The following CDH13 variants were observed in gnomAD, a reference collection of about 807,000 sequenced individuals.
The protein encoded by CDH13 is cadherin 13.
A neutral mutation model predicts 63.8 loss-of-function variants in CDH13; 24 were observed. The ratio of observed to expected loss-of-function variants is 0.38; its 90% confidence interval spans 0.27 to 0.53. The LOEUF (loss-of-function observed/expected upper bound fraction) is 0.53, where lower values mean the gene tolerates loss of function less well. CDH13 is among the 20% of genes least tolerant of loss of function. The probability of loss-of-function intolerance (pLI) is 0.85; values close to 1 mark genes in which losing one functional copy is unlikely to be tolerated. For synonymous variants in CDH13, 503 were observed against 355.3 expected (o/e 1.42, Z -4.67); for missense variants, 1,049 against 903.1 (o/e 1.16, Z -2.07).
At chr16:82,770,818 C>T (rs1472303368) in intron 1 of CDH13, among the ~76,000 whole-genome samples, 1 of 152,166 alleles carries the variant, frequency 6.6e-6, no homozygotes, top group African/African-American at 2.4e-5. Context: ...AGCAATTCGC[C>T]TGCCTCAGCC....
At chr16:83,739,094 T>C (rs1911813431) in intron 10 of CDH13, among the ~76,000 whole-genome samples, 1 of 152,128 alleles carries the variant, frequency 6.6e-6, no homozygotes, top group African/African-American at 2.4e-5. Context: ...GTATGTAGAA[T>C]CTTGGATGTG....
At chr16:83,793,830 AT>A (rs1286372339) in intron 13 of CDH13, among the ~76,000 whole-genome samples, 19 of 136,658 alleles carry the variant, frequency 1.4e-4, no homozygotes, top group African/African-American at 4.1e-4. Flanking sequence ...AAAAAAAAAA[AT>A]TTCTCAGATG....
intron 1 of CDH13, among the ~76,000 whole-genome samples, chr16:82,717,434 TA>T (rs5818399): frequency 0.32 from 38,992 of 122,800 alleles, 6,615 homozygotes; most frequent in Non-Finnish European, 0.42. Context: ...AGACTTTGCC[TA>T]AAAAAAAAAA....
chr16:83,566,601 C>T (rs898331253), intron 7 of CDH13, among the ~76,000 whole-genome samples: 1 of 152,150 alleles, frequency 6.6e-6, no homozygotes, highest in African/African-American at 2.4e-5. Context: ...AAGCCCTGAG[C>T]AGGCATGGGT....
chr16:82,827,224 A>G (rs533755460), intron 1 of CDH13, among the ~76,000 whole-genome samples: 6 of 152,308 alleles, frequency 3.9e-5, no homozygotes, highest in Non-Finnish European at 7.4e-5. Flanking sequence ...TTTCCCAGAC[A>G]GAGAGAGAGT....
rs564766182 is a variant in CDH13 at position 82,981,990 on chromosome 16, T to C, written c.158-50020T>C. The stretch of plus-strand genomic sequence containing the variant: ...GCTGTCTGAATGCTGTTGCTTGCCA[T>C]TGGACTATTCTGGAACAGGAAGTAT... On this transcript the variant is annotated intron_variant, in intron 2 of 13. Transcript: ENST00000567109. Among the ~76,000 whole-genome samples, 13 of 152,314 alleles carry C rather than the reference T, an allele frequency of 8.5e-5. No homozygotes were observed. In the East Asian group the frequency reaches 1.7e-3, roughly 20 times the overall value.
At chr16:83,389,437 C>T (rs1193195366) in intron 6 of CDH13, among the ~76,000 whole-genome samples, 1 of 152,168 alleles carries the variant, frequency 6.6e-6, no homozygotes, top group Non-Finnish European at 1.5e-5. Context: ...CCCCGAATTC[C>T]AATTTACAGT....
At chr16:83,371,056 A>C (rs561859111) in intron 6 of CDH13, among the ~76,000 whole-genome samples, 2 of 152,222 alleles carry the variant, frequency 1.3e-5, no homozygotes, top group Non-Finnish European at 2.9e-5. Context: ...AAGGTTGCAG[A>C]AAAAAAGGGA....
chr16:82,893,729 C>A, intron 2 of CDH13, among the ~76,000 whole-genome samples: 1 of 152,164 alleles, frequency 6.6e-6, no homozygotes, highest in African/African-American at 2.4e-5. Context: ...TGGGCCATAG[C>A]ACAACACCTA....
rs1597815681 is a variant in CDH13, at chr16:82,857,237, A to G, written c.46-1125A>G. Among the ~76,000 whole-genome samples, 3 of 152,240 alleles carry G rather than the reference A, an allele frequency of 2.0e-5. No individual in the cohort carries two copies. In the South Asian group the frequency reaches 6.2e-4, roughly 31 times the overall value. ...GAATTTCGAGTTCGTCTTCTATAAA[A>G]TATACCTTATAACATTACACATTTC... On this transcript the variant is annotated intron_variant, in intron 1 of 13. Transcript: ENST00000567109.
intron 4 of CDH13, among the ~76,000 whole-genome samples, chr16:83,142,415 C>G (rs570886644): frequency 1.3e-5 from 2 of 152,136 alleles, no homozygotes; most frequent in South Asian, 4.1e-4. Context: ...CTGGGCCTCC[C>G]AAAGTGCTTA....
chr16:83,166,156 C>G (rs747899874), intron 4 of CDH13, among the ~76,000 whole-genome samples: 6 of 151,992 alleles, frequency 3.9e-5, no homozygotes, highest in Non-Finnish European at 7.4e-5. Flanking sequence ...GAAAGGGTAT[C>G]CAGCAAATCA....
intron 8 of CDH13, among the ~76,000 whole-genome samples, chr16:83,606,066 G>C (rs1908302377): frequency 6.6e-6 from 1 of 152,142 alleles, no homozygotes; most frequent in African/African-American, 2.4e-5. Flanking sequence ...GGATGCCCTA[G>C]AAACAGAGAG....
intron 3 of CDH13, among the ~76,000 whole-genome samples, chr16:83,115,615 C>T (rs1465158274): frequency 1.3e-5 from 2 of 152,216 alleles, no homozygotes; most frequent in Admixed American, 1.3e-4. Context: ...CAAGACTGTC[C>T]ATAATTGGGC....
At chr16:82,916,104 C>G (rs188389596) in intron 2 of CDH13, among the ~76,000 whole-genome samples, 3 of 152,094 alleles carry the variant, frequency 2.0e-5, no homozygotes, top group African/African-American at 7.2e-5. Flanking sequence ...CCTTTTTATT[C>G]TTGATTTTAC....
chr16:83,242,806 A>G (rs936213993), intron 5 of CDH13, among the ~76,000 whole-genome samples: 7 of 152,188 alleles, frequency 4.6e-5, no homozygotes, highest in Non-Finnish European at 7.3e-5. Context: ...TCAGTTGGCA[A>G]TGTCCACCTT....
chr16:83,783,540 G>C, intron 13 of CDH13, 68 bp downstream of exon 13: 4 of 1,199,494 alleles, frequency 3.3e-6, no homozygotes, highest in Non-Finnish European at 5.0e-6. Context: ...CGTGAAGCCA[G>C]CATTTTCCCA....
intron 1 of CDH13, among the ~76,000 whole-genome samples, chr16:82,775,708 A>G (rs1487170311): frequency 6.6e-6 from 1 of 152,160 alleles, no homozygotes; most frequent in Non-Finnish European, 1.5e-5. Context: ...AATGATCTTA[A>G]TACGCATTAC....
At chr16:83,706,230 C>T (rs938848208) in intron 10 of CDH13, among the ~76,000 whole-genome samples, 4 of 152,170 alleles carry the variant, frequency 2.6e-5, no homozygotes, top group Non-Finnish European at 4.4e-5. Flanking sequence ...CACAACATGG[C>T]GGCCAGGTTC....
Sources: allele counts gnomAD v4.1 joint callset (sites outside exome capture counted in the v4.1 genomes callset), GRCh38; gene constraint gnomAD v4.1.1; transcripts MANE v1.5; gene names NCBI Gene and HGNC (gene_info 2026-07-23, HGNC 2026-07-21).